ERMP1: variants seen among roughly 807,000 people sequenced by gnomAD.
The protein encoded by ERMP1 is Felix-ina.
ERMP1 carries 86 observed loss-of-function variants against 92.0 expected under a neutral mutation model. That is an observed-to-expected ratio of 0.93 (90% CI 0.79 to 1.12). ERMP1 has a LOEUF of 1.12. Ranked by LOEUF, ERMP1 falls within the 50% of genes most tolerant of loss-of-function variation. The probability of loss-of-function intolerance (pLI) is 0.00; values close to 1 mark genes in which losing one functional copy is unlikely to be tolerated. For missense variants in ERMP1, 1,342 were observed against 1,116.3 expected, an observed-to-expected ratio of 1.20 and a Z score of -2.88; for synonymous variants, 530 against 412.8, an observed-to-expected ratio of 1.28 and a Z score of -3.44.
intron 6 of ERMP1, among the ~76,000 whole-genome samples, chr9:5,849,944 G>A (rs1343357628): frequency 6.6e-6 from 1 of 152,142 alleles, no homozygotes; most frequent in Non-Finnish European, 1.5e-5. Context: ...CGAAATTAAT[G>A]AACACAGAAT....
intron 8 of ERMP1, among the ~76,000 whole-genome samples, chr9:5,809,104 C>T (rs949158898): frequency 6.6e-6 from 1 of 152,144 alleles, no homozygotes; most frequent in East Asian, 1.9e-4. Context: ...TCACTGCAGG[C>T]TCCGCCTCCC....
At position 5,785,875 on chromosome 9, in the gene ERMP1, T is replaced by G. The variant is rs957509884; in HGVS notation, c.*1269A>C. ...ATTTCCTAATGATAAAAAGAAAGCT[T>G]GCACAGTTTACCATTGATCTCACCA... is the stretch of plus-strand genomic sequence containing the variant. On this transcript the variant is annotated 3_prime_UTR_variant, in exon 15 of 15. Coordinates refer to ENST00000339450, the MANE Select transcript of ERMP1 (RefSeq NM_024896.3). The G allele has an allele frequency of 9.2e-5, 14 of 152,354 alleles. No individual in the cohort carries two copies. The East Asian group carries it at 2.5e-3, about 27-fold the overall frequency. The allele number at this position is 152,354 out of a possible 1,614,324, so 9.4% of individuals were successfully genotyped here. A position where few individuals can be genotyped will look rare whatever the true frequency, so the allele number is the denominator to read the frequency against.
Position 5,811,105 on chromosome 9 carries a change from A to T in ERMP1, c.1327+6T>A. ...AGTATTTGTAGTTTTAGAGGAAAAT[A>T]CTTACTCTTATGTTTGGGCTGCAAA... On this transcript the variant is annotated splice_donor_region_variant and intron_variant, in intron 7 of 14. Transcript: ENST00000339450. 1 of 1,594,160 alleles carries T rather than the reference A, an allele frequency of 6.3e-7. No individual in the cohort carries two copies. The highest frequency in any genetic ancestry group is 8.6e-7 in the Non-Finnish European group (1 of 1,161,896).
In ERMP1 at chr9:5,787,060, C is replaced by T. The variant is rs953292490; in HGVS notation, c.*84G>A. 8.4e-6 allele frequency: 11 copies of T among 1,316,304 alleles called. No individual in the cohort carries two copies. The highest frequency in any genetic ancestry group is 4.3e-5 in the South Asian group (3 of 69,346). The allele number at this position is 1,316,304 out of a possible 1,614,324, so 81.5% of individuals were successfully genotyped here. ...ATGATCATTAAAATTCATTGACTTA[C>T]GTTACAAACATCCACGTAACATAGG... is the stretch of plus-strand genomic sequence containing the variant. On this transcript the variant is annotated 3_prime_UTR_variant, in exon 15 of 15. Transcript: ENST00000339450.
chr9:5,854,167 G>T (rs1406991438), intron 6 of ERMP1, among the ~76,000 whole-genome samples: 3 of 151,916 alleles, frequency 2.0e-5, no homozygotes, highest in African/African-American at 7.3e-5. Context: ...GTTTTACTGG[G>T]GATCTGGAGG....
upstream of ERMP1, among the ~76,000 whole-genome samples, chr9:5,833,379 A>G (rs1830034499): frequency 6.6e-6 from 1 of 152,246 alleles, no homozygotes; most frequent in Non-Finnish European, 1.5e-5. Flanking sequence ...CTTACAGTGC[A>G]TCAGGCAGAT....
chr9:5,790,169 C>CTTTTTT (rs371493040), intron 13 of ERMP1, among the ~76,000 whole-genome samples: 1 of 126,804 alleles, frequency 7.9e-6, no homozygotes, highest in Non-Finnish European at 1.7e-5. Flanking sequence ...AAAACAATAC[C>CTTTTTT]TTTTTTTTTT....
At position 5,789,096 on chromosome 9, in the gene ERMP1, A is replaced by G. The variant is rs73390147; in HGVS notation, c.2387-1503T>C. The stretch of plus-strand genomic sequence containing the variant: ...AAAACCAAACAACGAAACAGAACTA[A>G]TATTTAAAACTGTAATCCAAGAAAG... On this transcript the variant is annotated intron_variant, in intron 13 of 14. Coordinates refer to ENST00000339450, the MANE Select transcript of ERMP1 (RefSeq NM_024896.3). Among the ~76,000 whole-genome samples, 1,038 of 152,296 alleles carry G rather than the reference A, an allele frequency of 6.8e-3. 14 individuals carry two copies. The highest frequency in any genetic ancestry group is 0.024 in the African/African-American group (980 of 41,572).
Position 5,811,163 on chromosome 9 carries a change from T to A in ERMP1, c.1275A>T (p.Val425=). 1 of 1,613,996 alleles carries A rather than the reference T, an allele frequency of 6.2e-7. No homozygotes were observed. The highest frequency in any genetic ancestry group is 1.3e-5 in the African/African-American group (1 of 75,000). ...RIGSIINYMV[V]MGVVLYLGKK... is the part of the protein sequence containing the mutation. ...TGCCCAGGTACAAAACAACACCCAT[T>A]ACCACCATGTAGTTTATGATTGAGC... The change falls in exon 7 of 15, where the codon GTA becomes GTT. Residue 425 remains valine, a synonymous_variant. Transcript: ENST00000339450.
Position 5,812,234 on chromosome 9 carries a change from G to T in ERMP1, c.1022-17C>A, listed in dbSNP as rs769260415. ...AGTCTATTCCTAAAACATATATATA[G>T]AAAAAAAAAAGTCATTTTGCTTTAA... On this transcript the variant is annotated splice_polypyrimidine_tract_variant and intron_variant, in intron 5 of 14. Transcript: ENST00000339450. 7.5e-6 allele frequency: 10 copies of T among 1,327,178 alleles called. No individual in the cohort carries two copies. Among genetic ancestry groups the T allele is most frequent in the Non-Finnish European group, 3.1e-6 (3 of 974,468 alleles). The allele number at this position is 1,327,178 out of a possible 1,614,324, so 82.2% of individuals were successfully genotyped here.
chr9:5,849,290 G>A (rs577645852), intron 6 of ERMP1, among the ~76,000 whole-genome samples: 3 of 152,310 alleles, frequency 2.0e-5, no homozygotes, highest in Admixed American at 6.5e-5. Flanking sequence ...CAAAATGCTG[G>A]GATTACAGGC....
At chr9:5,800,857 C>T (rs1421964284) in intron 11 of ERMP1, among the ~76,000 whole-genome samples, 1 of 152,180 alleles carries the variant, frequency 6.6e-6, no homozygotes, top group Admixed American at 6.5e-5. Flanking sequence ...TACATTTTTA[C>T]AATCTATATT....
At chr9:5,827,924 G>A (rs1829787062) in intron 2 of ERMP1, among the ~76,000 whole-genome samples, 1 of 152,208 alleles carries the variant, frequency 6.6e-6, no homozygotes, top group Non-Finnish European at 1.5e-5. Context: ...CTTGCAGTGA[G>A]CCGAGATCGC....
intron 1 of ERMP1, 89 bp from the exon 2 acceptor site, chr9:5,831,117 C>CA (rs1317672288): frequency 9.0e-6 from 9 of 1,004,506 alleles, no homozygotes; most frequent in Admixed American, 2.4e-5. Flanking sequence ...CCTTCCTCCC[C>CA]AAAAAAGCTT....
chr9:5,823,893 T>C lies in ERMP1; in HGVS notation c.874+3A>G, dbSNP rs1172880349. 2 of 1,592,452 alleles carry C rather than the reference T, an allele frequency of 1.3e-6. No homozygotes were observed. Among genetic ancestry groups the C allele is most frequent in the African/African-American group, 1.3e-5 (1 of 74,544 alleles). ...AAAATATACAACGCACAATCTCACA[T>C]ACCTGTTTGGAATACAAGTTCTTTC... On this transcript the variant is annotated splice_donor_region_variant and intron_variant, in intron 4 of 14. Coordinates refer to ENST00000339450, the MANE Select transcript of ERMP1 (RefSeq NM_024896.3).
chr9:5,845,303 C>T (rs1830222154), intron 6 of ERMP1, among the ~76,000 whole-genome samples: 1 of 152,046 alleles, frequency 6.6e-6, no homozygotes, highest in Non-Finnish European at 1.5e-5. Flanking sequence ...TTGCTTGTGC[C>T]TATAATCCCA....
intron 6 of ERMP1, among the ~76,000 whole-genome samples, chr9:5,851,770 C>T (rs959496569): frequency 6.6e-6 from 1 of 152,184 alleles, no homozygotes; most frequent in African/African-American, 2.4e-5. Context: ...CACACACATA[C>T]ACCCCACAAA....
At chr9:5,825,295 A>T in intron 2 of ERMP1, 76 bp from the exon 3 acceptor site, 1 of 1,412,624 alleles carries the variant, frequency 7.1e-7, no homozygotes, top group South Asian at 1.4e-5. Context: ...CTAGGAATGG[A>T]GCTTTCTCCT....
At chr9:5,829,611 GA>G (rs1586823899) in intron 2 of ERMP1, among the ~76,000 whole-genome samples, 2 of 152,196 alleles carry the variant, frequency 1.3e-5, no homozygotes, top group South Asian at 2.1e-4. Context: ...ACACAGATGA[GA>G]AACTAAGAAG....
Sources: allele counts gnomAD v4.1 joint callset (sites outside exome capture counted in the v4.1 genomes callset), GRCh38; gene constraint gnomAD v4.1.1; transcripts MANE v1.5; gene names NCBI Gene and HGNC (gene_info 2026-07-23, HGNC 2026-07-21).